Variants in NAXD observed in about 807,000 individuals in gnomAD.
The protein encoded by NAXD is NAD(P)HX dehydratase.
Under a neutral mutation model 35.8 loss-of-function variants are expected in NAXD, and 22 were observed. That is an observed-to-expected ratio of 0.62 (90% CI 0.44 to 0.88). The LOEUF (loss-of-function observed/expected upper bound fraction) is 0.88, where lower values mean the gene tolerates loss of function less well. NAXD is among the 40% of genes least tolerant of loss of function. NAXD has a pLI of 0.00. For synonymous variants in NAXD, 189 were observed against 177.6 expected, an observed-to-expected ratio of 1.06 and a Z score of -0.51; for missense variants, 428 against 437.7, an observed-to-expected ratio of 0.98 and a Z score of 0.20.
At chr13:110,634,650 C>T (rs1218301189) in intron 6 of NAXD, 22 bp from the exon 7 acceptor site, 2 of 1,613,950 alleles carry the variant, frequency 1.2e-6, no homozygotes, top group African/African-American at 1.3e-5. Flanking sequence ...GTGCAGTGAG[C>T]ACGGCTCCTT....
chr13:110,634,413 C>T (rs1373958851), intron 5 of NAXD, 132 bp from the exon 6 acceptor site: 2 of 867,526 alleles, frequency 2.3e-6, no homozygotes, highest in Non-Finnish European at 3.8e-6. Context: ...GACACTGCCA[C>T]ATCACCTTTT....
intron 2 of NAXD, among the ~76,000 whole-genome samples, chr13:110,623,366 G>C (rs1328980900): frequency 6.6e-6 from 1 of 152,204 alleles, no homozygotes; most frequent in Non-Finnish European, 1.5e-5. Flanking sequence ...ATCTGACGGA[G>C]GGCAGGGCTC....
At chr13:110,617,580 C>T (rs762204106) in intron 1 of NAXD, among the ~76,000 whole-genome samples, 3 of 152,208 alleles carry the variant, frequency 2.0e-5, no homozygotes, top group Non-Finnish European at 4.4e-5. Context: ...AGCTGTTTAT[C>T]TTAGGTGAAT....
chr13:110,637,977 A>ACC (rs201474354), intron 9 of NAXD, among the ~76,000 whole-genome samples: 2,883 of 152,028 alleles, frequency 0.019, 113 homozygotes, highest in Admixed American at 0.094. Flanking sequence ...AGTTGCCTCC[A>ACC]CCCCTCCCCC....
In NAXD at chr13:110,637,165, G is replaced by A. The variant is rs1388472238; in HGVS notation, c.755G>A (p.Cys252Tyr). 1 of 1,613,982 alleles carries A rather than the reference G, an allele frequency of 6.2e-7. No individual in the cohort carries two copies. The highest frequency in any genetic ancestry group is 1.1e-5 in the South Asian group (1 of 91,080). Residue 252 changes from cysteine to tyrosine, a missense_variant, in exon 9 of 10, where the codon TGT (cysteine) becomes TAT (tyrosine). Physicochemically the swap from Cys to Tyr is radical, Grantham distance 194. Transcript: ENST00000680254. ...VCSQEGSSRR[C>Y]GGQGDLLSGS... ...AGCCAGGAAGGCAGCAGCCGCAGGTGTGGAGGGCAAGGGGACCTCCTGTCG... is the reference window on the plus strand; with the variant it reads ...AGCCAGGAAGGCAGCAGCCGCAGGTATGGAGGGCAAGGGGACCTCCTGTCG...
chr13:110,633,113 G>C (rs1886780483), intron 5 of NAXD, among the ~76,000 whole-genome samples: 1 of 152,186 alleles, frequency 6.6e-6, no homozygotes, highest in African/African-American at 2.4e-5. Flanking sequence ...GGGCCGCACA[G>C]GAGCCCATGG....
chr13:110,625,250 A>G lies in NAXD; in HGVS notation c.304A>G (p.Ser102Gly), dbSNP rs1352313985. The G allele has an allele frequency of 4.3e-6, 7 of 1,613,608 alleles. No homozygotes were observed. The highest frequency in any genetic ancestry group is 3.3e-4 in the Middle Eastern group (2 of 6,082). The stretch of plus-strand genomic sequence containing the variant: ...GGCCGCACCTGTGATTAAGGCCTAC[A>G]GCCCGGAGCTGATCGTCCACCCAGT... ...SAAAPVIKAY[S>G]PELIVHPVLD... The change falls in exon 4 of 10, where the codon AGC becomes GGC. Residue 102 changes from serine (S) to glycine (G), a missense_variant. Ser to Gly is a moderately conservative substitution (Grantham distance 56, BLOSUM62 0). This residue lies in a region of NAXD where 208 missense variants were observed against 193.0 expected (regional missense o/e 1.08). Coordinates refer to ENST00000680254, the MANE Select transcript of NAXD (RefSeq NM_001242882.2).
chr13:110,623,140 T>A (rs1229274367), intron 2 of NAXD, among the ~76,000 whole-genome samples: 1 of 152,178 alleles, frequency 6.6e-6, no homozygotes, highest in Non-Finnish European at 1.5e-5. Flanking sequence ...TTTAATGCAT[T>A]TCTCTTATTA....
At chr13:110,636,367 ACG>A (rs1886924915) in intron 8 of NAXD, among the ~76,000 whole-genome samples, 1 of 129,710 alleles carries the variant, frequency 7.7e-6, no homozygotes, top group Admixed American at 8.3e-5. Flanking sequence ...ATATGTGCAC[ACG>A]CATGCAATTC....
chr13:110,621,838 T>C (rs562495450), intron 1 of NAXD, among the ~76,000 whole-genome samples: 51 of 152,296 alleles, frequency 3.3e-4, no homozygotes, highest in Middle Eastern at 3.4e-3. Flanking sequence ...TAGACCAGCA[T>C]GGCCAACATG....
chr13:110,624,165 C>T lies in NAXD; in HGVS notation c.198-69C>T, dbSNP rs1886372200. ...ATTTATGTCTATTTTTTATTGATAA[C>T]CTATTTATTGATCAAGGTATGCTTA... On this transcript the variant is annotated intron_variant, in intron 2 of 9. Coordinates refer to ENST00000680254, the MANE Select transcript of NAXD (RefSeq NM_001242882.2). 5.9e-6 allele frequency: 5 copies of T among 852,466 alleles called. No homozygotes were observed. The African/African-American group carries it at 8.5e-5, about 15-fold the overall frequency. The allele number at this position is 852,466 out of a possible 1,614,324, so 52.8% of individuals were successfully genotyped here.
At position 110,626,033 on chromosome 13, in the gene NAXD, C is replaced by T. The variant is rs574320436; in HGVS notation, c.332+755C>T. Among the ~76,000 whole-genome samples the T allele has an allele frequency of 4.6e-5, 7 of 152,168 alleles. No individual in the cohort carries two copies. The East Asian group carries it at 9.7e-4, about 21-fold the overall frequency. ...CCTCTCCACACCAGAGAGGAGCCGG[C>T]GCGGAGCTCCAGGTGCGGTGCTGTG... On this transcript the variant is annotated intron_variant, in intron 4 of 9. Transcript: ENST00000680254.
rs756649337 is a variant in NAXD, at chr13:110,634,658, C to G, written c.493-14C>G. The G allele has an allele frequency of 6.2e-7, 1 of 1,614,028 alleles. No homozygotes were observed. The highest frequency in any genetic ancestry group is 8.5e-7 in the Non-Finnish European group (1 of 1,179,838). On this transcript the variant is annotated splice_polypyrimidine_tract_variant and intron_variant, in intron 6 of 9. Coordinates refer to ENST00000680254, the MANE Select transcript of NAXD (RefSeq NM_001242882.2). ...AAGGCCTGTGCAGTGAGCACGGCTCCTTGTTCTGTGCAGGATGGCCTGTGG... is the reference window on the plus strand; with the variant it reads ...AAGGCCTGTGCAGTGAGCACGGCTCGTTGTTCTGTGCAGGATGGCCTGTGG...
intron 5 of NAXD, among the ~76,000 whole-genome samples, chr13:110,631,690 A>C (rs947907791): frequency 1.3e-5 from 2 of 152,252 alleles, no homozygotes; most frequent in Non-Finnish European, 2.9e-5. Flanking sequence ...GAATTAGCAA[A>C]AGCCTGCCAG....
At chr13:110,627,030 A>G (rs1398361524) in intron 4 of NAXD, among the ~76,000 whole-genome samples, 4 of 152,252 alleles carry the variant, frequency 2.6e-5, no homozygotes, top group Non-Finnish European at 5.9e-5. Flanking sequence ...AACTTGTCGT[A>G]ACTGTTGAAA....
chr13:110,629,038 G>A (rs890087589), intron 5 of NAXD, among the ~76,000 whole-genome samples: 3 of 152,202 alleles, frequency 2.0e-5, no homozygotes, highest in Non-Finnish European at 2.9e-5. Context: ...CACTGTTGCC[G>A]TGGTCTTGAG....
Position 110,639,889 on chromosome 13 carries a change from G to A in NAXD, c.*1361G>A, listed in dbSNP as rs1421498449. 6.6e-6 allele frequency: 1 copy of A among 152,134 alleles called. No individual in the cohort carries two copies. Among genetic ancestry groups the A allele is most frequent in the Non-Finnish European group, 1.5e-5 (1 of 68,030 alleles). 9.4% of individuals were successfully genotyped at this position (152,134 alleles called of 1,614,324 possible). Reference sequence around the variant, plus strand: ...GACGCCTAACTTCAGAAGCTTCACTGTCTACATGTGAACTTTTCCAGAAAA... The same window carrying A: ...GACGCCTAACTTCAGAAGCTTCACTATCTACATGTGAACTTTTCCAGAAAA... On this transcript the variant is annotated 3_prime_UTR_variant, in exon 10 of 10. Coordinates refer to ENST00000680254, the MANE Select transcript of NAXD (RefSeq NM_001242882.2).
chr13:110,622,211 T>A lies in NAXD; in HGVS notation c.47-5T>A. On this transcript the variant is annotated splice_region_variant and splice_polypyrimidine_tract_variant and intron_variant, in intron 1 of 9. Coordinates refer to ENST00000680254, the MANE Select transcript of NAXD (RefSeq NM_001242882.2). ...TCTGAATTATTCATTTTTCTTGTCT[T>A]TCAGTTTTAGAAAGAGCGTTTTCGC... 1 of 1,609,256 alleles carries A rather than the reference T, an allele frequency of 6.2e-7. No homozygotes were observed.
rs34370844 is a variant in NAXD at position 110,620,578 on chromosome 13, C to CAAA, written c.47-1622_47-1620dup. On this transcript the variant is annotated intron_variant, in intron 1 of 9. Transcript: ENST00000680254. ...CTGGCGACAGAGTGAGACTCTGTCT[C>CAAA]AAAAAAAAAAAAAAAAAAGAATTTG... Among the ~76,000 whole-genome samples the CAAA allele has an allele frequency of 3.9e-3, 332 of 84,894 alleles. 2 individuals are homozygous for CAAA. Among genetic ancestry groups the CAAA allele is most frequent in the Admixed American group, 5.2e-3 (44 of 8,502 alleles). 55.7% of individuals were successfully genotyped at this position (84,894 alleles called of 152,430 possible).
Sources: gnomAD v4.1 joint callset for allele counts (sites outside exome capture counted in the v4.1 genomes callset) on GRCh38, gnomAD v4.1.1 for gene constraint, gnomAD v4.1.1 regional missense constraint, MANE v1.5 for transcripts, NCBI Gene and HGNC (gene_info 2026-07-23, HGNC 2026-07-21) for gene names.